The following PALS2 variants were observed in gnomAD, a reference collection of about 807,000 sequenced individuals.
The protein encoded by PALS2 is protein associated with LIN7 2, MAGUK p55 family member.
Under a neutral mutation model 61.6 loss-of-function variants are expected in PALS2, and 27 were observed. The observed-to-expected ratio is 0.44, with a 90% CI of 0.32 to 0.60. The LOEUF (loss-of-function observed/expected upper bound fraction) is 0.60, where lower values mean the gene tolerates loss of function less well. Ranked by LOEUF, PALS2 falls within the 20% of genes least tolerant of loss-of-function variation. PALS2 has a pLI of 0.05. For missense variants in PALS2, 554 were observed against 639.4 expected (o/e 0.87, Z 1.44); for synonymous variants, 236 against 218.6 (o/e 1.08, Z -0.70).
chr7:24,641,248 G>C (rs1041153427), intron 2 of PALS2, among the ~76,000 whole-genome samples: 3 of 151,770 alleles, frequency 2.0e-5, no homozygotes, highest in Non-Finnish European at 2.9e-5. Flanking sequence ...TCCAGATTCT[G>C]GGGTTTCCAA....
At chr7:24,662,233 T>G (rs1786759496) in intron 5 of PALS2, among the ~76,000 whole-genome samples, 1 of 152,228 alleles carries the variant, frequency 6.6e-6, no homozygotes. Flanking sequence ...TTCGTTATTT[T>G]AAAATTATTT....
chr7:24,655,943 A>G (rs1442948679), intron 5 of PALS2, among the ~76,000 whole-genome samples: 2 of 152,080 alleles, frequency 1.3e-5, no homozygotes, highest in African/African-American at 2.4e-5. Context: ...TTAACCAAAC[A>G]TACCTTCTTG....
rs541932797 is a variant in PALS2, at chr7:24,636,177, A to G, written c.118-5539A>G. On this transcript the variant is annotated intron_variant, in intron 2 of 11. Coordinates refer to ENST00000222644, the MANE Select transcript of PALS2 (RefSeq NM_001303037.2). ...CAGTGAGCCGAGATCACATCATTGC[A>G]CTCCAGCCTGGGCAACAAGAGCAAA... Among the ~76,000 whole-genome samples, 170 of 146,734 alleles carry G rather than the reference A, an allele frequency of 1.2e-3. 1 individual carries two copies. Among genetic ancestry groups the G allele is most frequent in the Middle Eastern group, 7.1e-3 (2 of 282 alleles).
At chr7:24,666,321 T>G (rs1310912240) in intron 8 of PALS2, among the ~76,000 whole-genome samples, 2 of 152,180 alleles carry the variant, frequency 1.3e-5, no homozygotes, top group African/African-American at 2.4e-5. Context: ...CAAAACAAAT[T>G]GGTTAAGATT....
chr7:24,650,372 G>A (rs1017242101), intron 4 of PALS2, 113 bp from the exon 5 acceptor site: 3 of 889,948 alleles, frequency 3.4e-6, no homozygotes, highest in Admixed American at 3.0e-5. Context: ...CATGGGAAAA[G>A]TAAGAATGAT....
At chr7:24,659,096 A>G (rs1437877963) in intron 5 of PALS2, among the ~76,000 whole-genome samples, 5 of 152,316 alleles carry the variant, frequency 3.3e-5, no homozygotes, top group Admixed American at 6.5e-5. Flanking sequence ...AAGTGAGAAC[A>G]TGCAATAATC....
chr7:24,579,771 G>A (rs1782768408), intron 1 of PALS2, among the ~76,000 whole-genome samples: 1 of 152,096 alleles, frequency 6.6e-6, no homozygotes, highest in Admixed American at 6.5e-5. Flanking sequence ...TTTATAAAAA[G>A]TGATTTTCAA....
chr7:24,582,883 CTTTTTTTTTTTT>C (rs757869072), intron 1 of PALS2, among the ~76,000 whole-genome samples: 8 of 57,468 alleles, frequency 1.4e-4, no homozygotes, highest in African/African-American at 2.8e-4. Flanking sequence ...GATAGTCATG[CTTTTTTTTTTTT>C]TTTTTTTTTT....
intron 5 of PALS2, among the ~76,000 whole-genome samples, chr7:24,656,729 C>G (rs924227598): frequency 1.3e-5 from 2 of 151,928 alleles, no homozygotes; most frequent in Admixed American, 6.6e-5. Context: ...GACAGGGTTT[C>G]GCTACATTGT....
intron 11 of PALS2, among the ~76,000 whole-genome samples, chr7:24,681,920 C>G (rs1168052279): frequency 6.6e-6 from 1 of 152,106 alleles, no homozygotes; most frequent in Non-Finnish European, 1.5e-5. Context: ...ACGTATGAAA[C>G]ATAGTGTTTA....
At chr7:24,609,515 G>T (rs7786767) in intron 1 of PALS2, among the ~76,000 whole-genome samples, 1 of 152,088 alleles carries the variant, frequency 6.6e-6, no homozygotes, top group Non-Finnish European at 1.5e-5. Flanking sequence ...GGAACTTTTG[G>T]TTGTTATAAC....
chr7:24,580,752 T>C (rs1782810972), intron 1 of PALS2, among the ~76,000 whole-genome samples: 1 of 152,202 alleles, frequency 6.6e-6, no homozygotes, highest in African/African-American at 2.4e-5. Context: ...TATACCCAGT[T>C]TTACTAGTTG....
At chr7:24,586,272 G>A (rs908973027) in intron 1 of PALS2, among the ~76,000 whole-genome samples, 1 of 152,004 alleles carries the variant, frequency 6.6e-6, no homozygotes, top group African/African-American at 2.4e-5. Flanking sequence ...TATCATGTGT[G>A]GCAGACTGTA....
chr7:24,657,632 T>G (rs1430638312), intron 5 of PALS2, among the ~76,000 whole-genome samples: 1 of 152,212 alleles, frequency 6.6e-6, no homozygotes, highest in Non-Finnish European at 1.5e-5. Flanking sequence ...TGCCAGGACT[T>G]TCTTCCAGTC....
At chr7:24,679,578 T>C (rs1466542200) in intron 10 of PALS2, among the ~76,000 whole-genome samples, 1 of 152,124 alleles carries the variant, frequency 6.6e-6, no homozygotes, top group Non-Finnish European at 1.5e-5. Flanking sequence ...ACAATAGAAG[T>C]TTAGTATGTA....
At chr7:24,647,227 G>A (rs35667270) in intron 3 of PALS2, among the ~76,000 whole-genome samples, 10,416 of 150,980 alleles carry the variant, frequency 0.069, 439 homozygotes, top group African/African-American at 0.11. Flanking sequence ...GTTCTCTGCA[G>A]CCTCCACCTC....
intron 2 of PALS2, among the ~76,000 whole-genome samples, chr7:24,635,192 T>A (rs1275938377): frequency 6.6e-6 from 1 of 152,238 alleles, no homozygotes; most frequent in Non-Finnish European, 1.5e-5. Flanking sequence ...TGTCTTCTAA[T>A]CCATAAACAT....
chr7:24,586,414 A>G (rs1783066649), intron 1 of PALS2, among the ~76,000 whole-genome samples: 1 of 152,206 alleles, frequency 6.6e-6, no homozygotes, highest in Admixed American at 6.5e-5. Context: ...GATTCTGCGT[A>G]AGCAAGAAAT....
At chr7:24,584,739 T>C (rs955713990) in intron 1 of PALS2, among the ~76,000 whole-genome samples, 9 of 152,042 alleles carry the variant, frequency 5.9e-5, no homozygotes, top group Admixed American at 3.9e-4. Flanking sequence ...TGCTTGCCCA[T>C]GCCTATGTCC....
Sources: allele counts gnomAD v4.1 joint callset (sites outside exome capture counted in the v4.1 genomes callset), GRCh38; gene constraint gnomAD v4.1.1; transcripts MANE v1.5; gene names NCBI Gene and HGNC (gene_info 2026-07-23, HGNC 2026-07-21).